SH3RF1: variants seen among roughly 807,000 people sequenced by gnomAD.
SH3RF1 encodes E3 ubiquitin-protein ligase SH3RF1.
In SH3RF1, 32 loss-of-function variants were observed where a neutral mutation model predicts 74.0. The observed-to-expected ratio is 0.43, with a 90% CI of 0.33 to 0.58. The LOEUF is 0.58. Ranked by LOEUF, SH3RF1 falls within the 20% of genes least tolerant of loss-of-function variation. The pLI, the probability that SH3RF1 is intolerant of heterozygous loss-of-function variation, is 0.05. For synonymous variants in SH3RF1, 396 were observed against 439.6 expected (o/e 0.90, Z 1.24); for missense variants, 954 against 1,130.9 (o/e 0.84, Z 2.24).
chr4:169,208,464 T>C (rs1330318899), intron 2 of SH3RF1, among the ~76,000 whole-genome samples: 1 of 152,176 alleles, frequency 6.6e-6, no homozygotes, highest in Non-Finnish European at 1.5e-5. Flanking sequence ...TACTTCTTTT[T>C]AGTAGGACAG....
intron 4 of SH3RF1, among the ~76,000 whole-genome samples, chr4:169,137,895 T>C (rs1733724447): frequency 6.6e-6 from 1 of 152,176 alleles, no homozygotes; most frequent in Non-Finnish European, 1.5e-5. Context: ...GCTTGTCTCA[T>C]CTATAATTAG....
chr4:169,143,091 G>A (rs565017012), intron 4 of SH3RF1, among the ~76,000 whole-genome samples: 7 of 152,248 alleles, frequency 4.6e-5, no homozygotes, highest in African/African-American at 1.7e-4. Context: ...AATATTTGTT[G>A]AATGAATAAA....
intron 2 of SH3RF1, among the ~76,000 whole-genome samples, chr4:169,262,207 T>G (rs1291797878): frequency 6.6e-6 from 1 of 152,168 alleles, no homozygotes; most frequent in Non-Finnish European, 1.5e-5. Flanking sequence ...ATTCTAGTTC[T>G]GCAAAAAATC....
intron 2 of SH3RF1, among the ~76,000 whole-genome samples, chr4:169,235,147 T>C (rs1432265482): frequency 6.6e-6 from 1 of 152,200 alleles, no homozygotes; most frequent in Non-Finnish European, 1.5e-5. Context: ...ATTCTTAAAA[T>C]AGAATTCCTA....
rs767073033 is a variant in SH3RF1, at chr4:169,116,478, T to G, written c.1930A>C (p.Thr644Pro). The change falls in exon 10 of 12, where the codon ACT (threonine) becomes CCT (proline). Residue 644 changes from threonine (T) to proline (P), a missense_variant. Around this residue, in one of 3 missense-constraint regions of SH3RF1, gnomAD observed 854 missense variants for 962.5 expected, o/e 0.89. Transcript: ENST00000284637. ...GCTCGACTGATACTGATGGCAGCAG[T>G]GTGCGTGGCTGAGCCTGGCATCAGA... ...APLMPGSATHTAAISISRASA... is the reference protein window; with the variant it reads ...APLMPGSATHPAAISISRASA... 12 of 1,613,646 alleles carry G rather than the reference T, an allele frequency of 7.4e-6. No homozygotes were observed. The South Asian group carries it at 7.7e-5, about 10-fold the overall frequency.
rs555316774 is a variant in SH3RF1, at chr4:169,204,308, A to G, written c.394-47629T>C. Among the ~76,000 whole-genome samples the G allele has an allele frequency of 7.0e-4, 106 of 152,144 alleles. 1 individual carries two copies. The highest frequency in any genetic ancestry group is 2.5e-3 in the African/African-American group (102 of 41,504). ...AATCAAACTAATTCAATGAATTTCC[A>G]GCACCTCATTTCATTCAATCATCCT... is the stretch of plus-strand genomic sequence containing the variant. On this transcript the variant is annotated intron_variant, in intron 2 of 11. Transcript: ENST00000284637.
intron 2 of SH3RF1, among the ~76,000 whole-genome samples, chr4:169,199,643 G>A (rs998524773): frequency 2.0e-5 from 3 of 151,800 alleles, no homozygotes; most frequent in African/African-American, 7.3e-5. Context: ...ATAAATAACA[G>A]AGGAGACTAA....
intron 2 of SH3RF1, among the ~76,000 whole-genome samples, chr4:169,194,706 T>C (rs1262500106): frequency 6.6e-6 from 1 of 152,176 alleles, no homozygotes; most frequent in East Asian, 1.9e-4. Context: ...TGCATTTCTG[T>C]TAAGTGTATT....
intron 2 of SH3RF1, among the ~76,000 whole-genome samples, chr4:169,186,632 C>T (rs549552389): frequency 8.9e-4 from 134 of 150,818 alleles, no homozygotes; most frequent in African/African-American, 3.0e-3. Context: ...AGAAAATAAA[C>T]TGAACTTAAA....
intron 2 of SH3RF1, among the ~76,000 whole-genome samples, chr4:169,267,394 T>A (rs1036584178): frequency 3.3e-5 from 5 of 152,184 alleles, no homozygotes; most frequent in Non-Finnish European, 5.9e-5. Flanking sequence ...ACATCAGGTG[T>A]CTCAGAAATT....
intron 9 of SH3RF1, among the ~76,000 whole-genome samples, chr4:169,117,206 C>T (rs1733351301): frequency 6.6e-6 from 1 of 150,688 alleles, no homozygotes; most frequent in African/African-American, 2.5e-5. Flanking sequence ...GAGTATCACG[C>T]AATGTCACAT....
intron 2 of SH3RF1, among the ~76,000 whole-genome samples, chr4:169,257,143 T>C (rs1731204560): frequency 6.6e-6 from 1 of 152,180 alleles, no homozygotes; most frequent in African/African-American, 2.4e-5. Flanking sequence ...ACAGAGGAAG[T>C]TCTGCCTGAT....
chr4:169,253,712 C>T (rs184535832), intron 2 of SH3RF1, among the ~76,000 whole-genome samples: 100 of 152,212 alleles, frequency 6.6e-4, no homozygotes, highest in African/African-American at 2.2e-3. Context: ...TCAAAAGAAG[C>T]CATTATACAT....
intron 5 of SH3RF1, 89 bp downstream of exon 5, chr4:169,136,229 A>G: frequency 1.6e-6 from 2 of 1,265,354 alleles, no homozygotes; most frequent in South Asian, 5.3e-5. Context: ...CAAAATAAGC[A>G]ATGTTTGTCA....
intron 2 of SH3RF1, among the ~76,000 whole-genome samples, chr4:169,225,285 C>G (rs115396377): frequency 0.01 from 1,536 of 152,184 alleles, 33 homozygotes; most frequent in African/African-American, 0.035. Context: ...GAATGCTGGC[C>G]AACTTCACAG....
At chr4:169,162,380 G>A (rs760672957) in intron 2 of SH3RF1, among the ~76,000 whole-genome samples, 5 of 152,152 alleles carry the variant, frequency 3.3e-5, no homozygotes, top group Middle Eastern at 3.4e-3. Flanking sequence ...CTTCAATGAC[G>A]GCCAAGACGA....
chr4:169,205,620 G>A (rs1035442096), intron 2 of SH3RF1, among the ~76,000 whole-genome samples: 5 of 152,010 alleles, frequency 3.3e-5, no homozygotes, highest in South Asian at 4.2e-4. Context: ...TGACAAATAC[G>A]CACCTGTCAG....
chr4:169,190,206 A>C (rs918093266), intron 2 of SH3RF1, among the ~76,000 whole-genome samples: 2 of 152,202 alleles, frequency 1.3e-5, no homozygotes, highest in Non-Finnish European at 2.9e-5. Flanking sequence ...AGCAAAAGAA[A>C]GGAAATAACC....
intron 6 of SH3RF1, among the ~76,000 whole-genome samples, chr4:169,123,282 A>G (rs1437804096): frequency 6.6e-6 from 1 of 152,252 alleles, no homozygotes; most frequent in Non-Finnish European, 1.5e-5. Context: ...ACCATTCACT[A>G]TAATACATCT....
Sources: gnomAD v4.1 joint callset for allele counts (sites outside exome capture counted in the v4.1 genomes callset) on GRCh38, gnomAD v4.1.1 for gene constraint, gnomAD v4.1.1 regional missense constraint, MANE v1.5 for transcripts, NCBI Gene and HGNC (gene_info 2026-07-23, HGNC 2026-07-21) for gene names.